Variants in MPP7 observed in about 807,000 individuals in gnomAD.
MPP7 encodes MAGUK p55 scaffold protein 7.
A neutral mutation model predicts 76.5 loss-of-function variants in MPP7; 60 were observed. The observed-to-expected ratio is 0.78, with a 90% CI of 0.64 to 0.97. The LOEUF is 0.97. Among genes scored for constraint, MPP7 ranks in the 50% least tolerant of loss-of-function variants. MPP7 has a pLI of 0.00. For synonymous variants in MPP7, 237 were observed against 244.5 expected (o/e 0.97, Z 0.29); for missense variants, 641 against 694.0 (o/e 0.92, Z 0.86).
In MPP7 at chr10:28,323,014, C is replaced by T. The variant is rs915115352; in HGVS notation, c.-132+6915G>A. 3.9e-5 allele frequency among the ~76,000 whole-genome samples: 6 copies of T among 152,154 alleles called. No individual in the cohort carries two copies. In the East Asian group the frequency reaches 5.8e-4, roughly 15 times the overall value. ...AAAAAAGAAAAATAGGGGCCGGGCACGGTGGCTCACACCTGTAATCCCAGC... is the reference window on the plus strand; with the variant it reads ...AAAAAAGAAAAATAGGGGCCGGGCATGGTGGCTCACACCTGTAATCCCAGC... On this transcript the variant is annotated intron_variant, in intron 2 of 11. Coordinates refer to the MPP7 transcript ENST00000441595.
At chr10:28,175,417 G>A (rs1836826760) in intron 3 of MPP7, among the ~76,000 whole-genome samples, 1 of 145,042 alleles carries the variant, frequency 6.9e-6, no homozygotes, top group African/African-American at 2.6e-5. Context: ...GGGAGAGGAG[G>A]GTACATTTTG....
At position 28,299,986 on chromosome 10, in the gene MPP7, C is replaced by T. The variant is rs571955744; in HGVS notation, c.-132+2875G>A. ...GTTTCACCGTGTTAGCCAGGATGGT[C>T]TCAATCTCCTGACCTTGTGATCCGC... On this transcript the variant is annotated intron_variant, in intron 1 of 16. Coordinates refer to ENST00000683449, the MANE Select transcript of MPP7 (RefSeq NM_001318170.2). Among the ~76,000 whole-genome samples the T allele has an allele frequency of 2.6e-5, 4 of 152,108 alleles. No individual in the cohort carries two copies. The South Asian group carries it at 8.3e-4, about 32-fold the overall frequency.
In MPP7 at chr10:28,112,375, G is replaced by A. The variant is rs1436560247; in HGVS notation, c.952+7276C>T. Among the ~76,000 whole-genome samples the A allele has an allele frequency of 2.0e-5, 3 of 152,012 alleles. No homozygotes were observed. In the East Asian group the frequency reaches 5.8e-4, roughly 29 times the overall value. ...CCTCGATTAAAGACTTAGCGCCATG[G>A]AAATCAAATGATAAAAGCCATACCA... On this transcript the variant is annotated intron_variant, in intron 11 of 16. Coordinates refer to ENST00000683449, the MANE Select transcript of MPP7 (RefSeq NM_001318170.2).
intron 1 of MPP7, among the ~76,000 whole-genome samples, chr10:28,248,837 G>GGT (rs1839521020): frequency 6.6e-6 from 1 of 152,210 alleles, no homozygotes; most frequent in South Asian, 2.1e-4. Context: ...ATGCAGCCTA[G>GGT]GTGTGTAGTG....
At chr10:28,258,051 C>T (rs898783482) in intron 1 of MPP7, among the ~76,000 whole-genome samples, 16 of 151,942 alleles carry the variant, frequency 1.1e-4, no homozygotes, top group African/African-American at 3.9e-4. Flanking sequence ...CAGAACTTGA[C>T]AATATTGAGT....
chr10:28,089,904 A>AT, intron 11 of MPP7, 63 bp from the exon 12 acceptor site: 1 of 889,568 alleles, frequency 1.1e-6, no homozygotes, highest in Non-Finnish European at 1.7e-6. Context: ...CCTCAAAAAA[A>AT]AAAAACCCTC....
intron 2 of MPP7, among the ~76,000 whole-genome samples, chr10:28,208,630 T>G (rs116837010): frequency 6.6e-6 from 1 of 152,148 alleles, no homozygotes; most frequent in Non-Finnish European, 1.5e-5. Context: ...AAGAGATGCC[T>G]CCGCCTCCTC....
At chr10:28,167,117 C>A (rs574156647) in intron 3 of MPP7, among the ~76,000 whole-genome samples, 12 of 152,040 alleles carry the variant, frequency 7.9e-5, no homozygotes, top group Non-Finnish European at 1.5e-4. Flanking sequence ...TCGAGACCAG[C>A]CTGGCCAACA....
At chr10:28,255,934 T>A (rs1011006824) in intron 1 of MPP7, among the ~76,000 whole-genome samples, 2 of 152,064 alleles carry the variant, frequency 1.3e-5, no homozygotes, top group African/African-American at 4.8e-5. Flanking sequence ...ATAGTATGAG[T>A]GTTTTACTTC....
intron 1 of MPP7, among the ~76,000 whole-genome samples, chr10:28,249,773 T>TA (rs1219330811): frequency 2.6e-5 from 4 of 152,122 alleles, no homozygotes; most frequent in Non-Finnish European, 4.4e-5. Context: ...GGGCTTCTGA[T>TA]ATGATAAGAG....
chr10:28,108,417 G>A (rs1222028791), intron 11 of MPP7, among the ~76,000 whole-genome samples: 1 of 152,122 alleles, frequency 6.6e-6, no homozygotes, highest in African/African-American at 2.4e-5. Context: ...CACTTTGGGA[G>A]ACCAAGACAG....
Position 28,155,284 on chromosome 10 carries a change from GTAAA to G in MPP7, c.157-5229_157-5226del, listed in dbSNP as rs376990070. ...GCTAAAGGACTTAAGACTTTATTCA[GTAAA>G]TAAATAAATAGCCATTAAAGGCCAA... is the stretch of plus-strand genomic sequence containing the variant. On this transcript the variant is annotated intron_variant, in intron 3 of 16. Coordinates refer to ENST00000683449, the MANE Select transcript of MPP7 (RefSeq NM_001318170.2). Among the ~76,000 whole-genome samples, 1,003 of 152,172 alleles carry G rather than the reference GTAAA, an allele frequency of 6.6e-3. 5 individuals carry two copies. The highest frequency in any genetic ancestry group is 9.9e-3 in the Non-Finnish European group (676 of 68,000).
intron 1 of MPP7, among the ~76,000 whole-genome samples, chr10:28,294,383 C>A (rs758983478): frequency 6.6e-6 from 1 of 152,222 alleles, no homozygotes; most frequent in Non-Finnish European, 1.5e-5. Flanking sequence ...AGATGACTTT[C>A]AGGTACTTCC....
intron 1 of MPP7, among the ~76,000 whole-genome samples, chr10:28,331,182 G>T (rs1834466985): frequency 6.6e-6 from 1 of 152,156 alleles, no homozygotes; most frequent in Non-Finnish European, 1.5e-5. Flanking sequence ...TGAAAAAAGG[G>T]AAATGTCTTC....
intron 1 of MPP7, among the ~76,000 whole-genome samples, chr10:28,287,403 C>T (rs1840813982): frequency 6.6e-6 from 1 of 152,146 alleles, no homozygotes; most frequent in South Asian, 2.1e-4. Flanking sequence ...ACGTTTATCA[C>T]CTGGATTGTG....
intron 11 of MPP7, among the ~76,000 whole-genome samples, chr10:28,106,452 T>C (rs767310758): frequency 1.3e-5 from 2 of 152,138 alleles, no homozygotes; most frequent in Non-Finnish European, 2.9e-5. Flanking sequence ...AAGTTAATCA[T>C]AAGTTGATTA....
intron 3 of MPP7, among the ~76,000 whole-genome samples, chr10:28,169,635 A>G (rs1488570184): frequency 6.6e-6 from 1 of 152,220 alleles, no homozygotes; most frequent in Non-Finnish European, 1.5e-5. Flanking sequence ...AATTTCCTGC[A>G]TGTAAGCCTT....
chr10:28,096,636 AAT>A (rs1853582757), intron 11 of MPP7, among the ~76,000 whole-genome samples: 1 of 152,214 alleles, frequency 6.6e-6, no homozygotes, highest in Non-Finnish European at 1.5e-5. Context: ...TGAATTTATA[AAT>A]ATCTTTCCTT....
intron 2 of MPP7, among the ~76,000 whole-genome samples, chr10:28,316,338 G>A (rs903232066): frequency 6.7e-6 from 1 of 149,504 alleles, no homozygotes; most frequent in East Asian, 2.0e-4. Context: ...AGGAGGTTGA[G>A]GCAGAAGAAT....
Sources: allele counts gnomAD v4.1 joint callset (sites outside exome capture counted in the v4.1 genomes callset), GRCh38; gene constraint gnomAD v4.1.1; transcripts MANE v1.5; gene names NCBI Gene and HGNC (gene_info 2026-07-23, HGNC 2026-07-21).